Variants in DLG1 observed in about 807,000 individuals in gnomAD.
DLG1 encodes discs large MAGUK scaffold protein 1.
A neutral mutation model predicts 123.4 loss-of-function variants in DLG1; 42 were observed. The observed-to-expected ratio is 0.34, with a 90% confidence interval of 0.27 to 0.44. The LOEUF is 0.44. Ranked by LOEUF, DLG1 falls within the 20% of genes least tolerant of loss-of-function variation. The probability of loss-of-function intolerance (pLI) is 1.00; values close to 1 mark genes in which losing one functional copy is unlikely to be tolerated. For synonymous variants in DLG1, 317 were observed against 356.2 expected (o/e 0.89, Z 1.24); for missense variants, 942 against 1,082.6 (o/e 0.87, Z 1.82).
chr3:197,244,453 C>T (rs1211474595), intron 4 of DLG1, among the ~76,000 whole-genome samples: 3 of 152,088 alleles, frequency 2.0e-5, no homozygotes, highest in East Asian at 1.9e-4. Context: ...ATTTGCATCT[C>T]GGTACCCTGT....
At chr3:197,200,961 C>T (rs138811843) in intron 4 of DLG1, among the ~76,000 whole-genome samples, 23 of 152,244 alleles carry the variant, frequency 1.5e-4, no homozygotes, top group African/African-American at 5.1e-4. Context: ...TCTTATTCAA[C>T]GCGATACCAG....
At chr3:197,126,110 C>T (rs1382459409) in intron 11 of DLG1, among the ~76,000 whole-genome samples, 3 of 152,146 alleles carry the variant, frequency 2.0e-5, no homozygotes, top group Non-Finnish European at 4.4e-5. Context: ...ATATTATGAT[C>T]AAGTTGAAAC....
intron 18 of DLG1, chr3:197,070,583 T>TTTTTTTTTTTTTTTTTTTTTTTA (rs1743147310): frequency 7.0e-6 from 1 of 142,648 alleles, no homozygotes; most frequent in East Asian, 2.1e-4. Context: ...TTTTTTTTTT[T>TTTTTTTTTTTTTTTTTTTTTTTA]TTTTGAGATA....
chr3:197,170,109 G>A (rs957983266), intron 5 of DLG1, among the ~76,000 whole-genome samples: 6 of 152,136 alleles, frequency 3.9e-5, no homozygotes, highest in African/African-American at 1.4e-4. Flanking sequence ...TTTTATTGTT[G>A]CATAGTATTC....
intron 11 of DLG1, among the ~76,000 whole-genome samples, 194 bp from the exon 12 acceptor site, chr3:197,119,724 A>AGC (rs1378528606): frequency 6.6e-6 from 1 of 152,002 alleles, no homozygotes; most frequent in Non-Finnish European, 1.5e-5. Flanking sequence ...CTGAAGTGAT[A>AGC]CTCCCACCTC....
intron 5 of DLG1, among the ~76,000 whole-genome samples, chr3:197,166,006 C>T (rs1801206514): frequency 6.6e-6 from 1 of 152,170 alleles, no homozygotes; most frequent in South Asian, 2.1e-4. Flanking sequence ...AGGAAAGCAT[C>T]TGTAGGCAGG....
At chr3:197,080,704 T>G (rs1483208797) in intron 17 of DLG1, 1 of 165,104 alleles carries the variant, frequency 6.1e-6, no homozygotes, top group Admixed American at 6.4e-5. Context: ...TCAGGTGATC[T>G]GCCTGACTTG....
At chr3:197,093,087 AT>A (rs1758628026) in intron 14 of DLG1, among the ~76,000 whole-genome samples, 1 of 152,166 alleles carries the variant, frequency 6.6e-6, no homozygotes, top group South Asian at 2.1e-4. Context: ...ATACATTTAC[AT>A]TTATTCCATA....
chr3:197,081,008 C>A, intron 17 of DLG1, 43 bp downstream of exon 17: 1 of 1,553,432 alleles, frequency 6.4e-7, no homozygotes, highest in Non-Finnish European at 8.9e-7. Flanking sequence ...AACAATGTAG[C>A]TCAAACAGGA....
chr3:197,277,644 T>A (rs894049250), intron 4 of DLG1, among the ~76,000 whole-genome samples: 5 of 151,864 alleles, frequency 3.3e-5, no homozygotes, highest in Non-Finnish European at 7.4e-5. Flanking sequence ...CCTGGCCTCA[T>A]CTTTTTAAGA....
At chr3:197,081,165 G>A in intron 16 of DLG1, 48 bp from the exon 17 acceptor site, 1 of 1,545,246 alleles carries the variant, frequency 6.5e-7, no homozygotes, top group Non-Finnish European at 8.9e-7. Context: ...AACATATCTG[G>A]GGTCTTACTA....
At chr3:197,236,295 AGAGT>A (rs1745922681) in intron 4 of DLG1, among the ~76,000 whole-genome samples, 2 of 152,156 alleles carry the variant, frequency 1.3e-5, no homozygotes, top group Non-Finnish European at 2.9e-5. Context: ...CCTGGGCAAC[AGAGT>A]GAGATCCTGT....
At position 197,044,640 on chromosome 3, in the gene DLG1, C is replaced by T. The variant is rs770242553; in HGVS notation, c.2665G>A (p.Ala889Thr). The change falls in exon 25 of 25, where the codon GCA becomes ACA. Residue 889 changes from alanine (A) to threonine (T), a missense_variant. By Grantham distance (58) the Ala-to-Thr change is moderately conservative. Coordinates refer to ENST00000667157, the MANE Select transcript of DLG1 (RefSeq NM_001366207.1). ...ATGAGTTTTCATAGCTTTTCTTTTG[C>T]CGGAACCCAGATGTAAGAACCAGAT... ...EQSGSYIWVP[A>T]KEKL 5.6e-6 allele frequency: 9 copies of T among 1,605,218 alleles called. No homozygotes were observed. The South Asian group carries it at 6.7e-5, about 12-fold the overall frequency.
intron 5 of DLG1, among the ~76,000 whole-genome samples, chr3:197,166,552 G>A (rs1801512949): frequency 6.6e-6 from 1 of 152,116 alleles, no homozygotes. Context: ...GAATACACCT[G>A]GCATCCAAAT....
At chr3:197,064,017 G>T (rs1374402919) in intron 22 of DLG1, among the ~76,000 whole-genome samples, 1 of 150,886 alleles carries the variant, frequency 6.6e-6, no homozygotes, top group African/African-American at 2.4e-5. Flanking sequence ...CAATCTCCTG[G>T]GTTCAAGCGA....
chr3:197,129,150 G>GA (rs1781262380), intron 11 of DLG1, among the ~76,000 whole-genome samples: 1 of 152,166 alleles, frequency 6.6e-6, no homozygotes, highest in African/African-American at 2.4e-5. Context: ...AGTCCTAAAA[G>GA]GTGTCTTTTT....
At chr3:197,163,687 A>ATTTTTTT (rs56865627) in intron 5 of DLG1, among the ~76,000 whole-genome samples, 661 of 101,706 alleles carry the variant, frequency 6.5e-3, no homozygotes, top group Non-Finnish European at 8.4e-3. Context: ...ATGCTCAGCT[A>ATTTTTTT]TTTTTTTTTT....
intron 4 of DLG1, among the ~76,000 whole-genome samples, chr3:197,277,118 C>G (rs1766824488): frequency 6.6e-6 from 1 of 151,770 alleles, no homozygotes; most frequent in African/African-American, 2.4e-5. Context: ...TTTCGAACTT[C>G]TGAGCTTAAG....
chr3:197,220,260 G>A lies in DLG1; in HGVS notation c.319-25671C>T, dbSNP rs112508441. On this transcript the variant is annotated intron_variant, in intron 4 of 24. Transcript: ENST00000667157. ...ATACCCTATTTTAACTTCCTGAAAT[G>A]ATTTCACTGCTTCAATGTTATATAT... Among the ~76,000 whole-genome samples, 747 of 152,164 alleles carry A rather than the reference G, an allele frequency of 4.9e-3. 7 individuals are homozygous for A. Among genetic ancestry groups the A allele is most frequent in the African/African-American group, 0.017 (715 of 41,506 alleles).
Sources: gnomAD v4.1 joint callset for allele counts (sites outside exome capture counted in the v4.1 genomes callset) on GRCh38, gnomAD v4.1.1 for gene constraint, MANE v1.5 for transcripts, NCBI Gene and HGNC (gene_info 2026-07-23, HGNC 2026-07-21) for gene names.